Variants in SLC22A23 observed in about 807,000 individuals in gnomAD.
The protein encoded by SLC22A23 is solute carrier family 22 member 23, also known as ion transporter protein.
SLC22A23 carries 26 observed loss-of-function variants against 61.0 expected under a neutral mutation model. That is an observed-to-expected ratio of 0.43 (90% CI 0.31 to 0.59). The LOEUF is 0.59. Ranked by LOEUF, SLC22A23 falls within the 20% of genes least tolerant of loss-of-function variation. The pLI, the probability that SLC22A23 is intolerant of heterozygous loss-of-function variation, is 0.11. For missense variants in SLC22A23, 796 were observed against 934.7 expected (o/e 0.85, Z 1.94); for synonymous variants, 430 against 413.9 (o/e 1.04, Z -0.47).
chr6:3,453,225 A>G (rs1047397275), intron 1 of SLC22A23, among the ~76,000 whole-genome samples: 1 of 152,220 alleles, frequency 6.6e-6, no homozygotes, highest in African/African-American at 2.4e-5. Flanking sequence ...TATTGAAAAC[A>G]CATTTTATTT....
intron 3 of SLC22A23, among the ~76,000 whole-genome samples, chr6:3,365,772 C>A (rs4959818): frequency 0.7 from 106,786 of 151,952 alleles, 37,799 homozygotes; most frequent in East Asian, 0.84. Flanking sequence ...ATTTAAAAAA[C>A]AGTCATCATG....
Position 3,410,062 on chromosome 6 carries a change from A to G in SLC22A23, c.913+126T>C. ...TCTTTCACAACACTTGAGGCCTTTA[A>G]TGTTTGTGTTTCCACAAAACTGCCA... On this transcript the variant is annotated intron_variant, in intron 3 of 9. Transcript: ENST00000406686. The surrounding 1 kb of genome is among the most constrained non-coding windows in gnomAD (Gnocchi z 5.0). The G allele has an allele frequency of 1.8e-6, 2 of 1,083,996 alleles. No homozygotes were observed. The highest frequency in any genetic ancestry group is 2.6e-6 in the Non-Finnish European group (2 of 768,340). 67.1% of individuals were successfully genotyped at this position (1,083,996 alleles called of 1,614,324 possible). A position where few individuals can be genotyped will look rare whatever the true frequency, so the allele number is the denominator to read the frequency against.
In SLC22A23 at chr6:3,327,630, A is replaced by G. The variant is rs901326078; in HGVS notation, c.914-3628T>C. On this transcript the variant is annotated intron_variant, in intron 3 of 9. Transcript: ENST00000406686. This position sits in a 1 kb window ranked among gnomAD's most constrained non-coding sequence, Gnocchi z 4.1. Reference sequence around the variant, plus strand: ...CAGTCAGTTAGGAGTTCTGTGCCTCAGTTTTTTTGTCTGCAAAATGGGGTG... The same window carrying G: ...CAGTCAGTTAGGAGTTCTGTGCCTCGGTTTTTTTGTCTGCAAAATGGGGTG... 3.3e-5 allele frequency among the ~76,000 whole-genome samples: 5 copies of G among 152,294 alleles called. No individual in the cohort carries two copies. Among genetic ancestry groups the G allele is most frequent in the Non-Finnish European group, 5.9e-5 (4 of 68,024 alleles).
intron 3 of SLC22A23, among the ~76,000 whole-genome samples, chr6:3,374,177 A>G (rs1766409208): frequency 1.3e-5 from 2 of 152,208 alleles, no homozygotes; most frequent in Admixed American, 6.5e-5. Context: ...CTTTTGTTAA[A>G]TATCATTTAT....
chr6:3,320,286 G>A lies in SLC22A23; in HGVS notation c.1082+3548C>T, dbSNP rs572154840. Among the ~76,000 whole-genome samples, 4 of 152,204 alleles carry A rather than the reference G, an allele frequency of 2.6e-5. No homozygotes were observed. The South Asian group carries it at 8.3e-4, about 32-fold the overall frequency. Reference sequence around the variant, plus strand: ...CCAGCATTTATATGTGTGTATGGAGGGGTCCCTGTCTGTTCAGTCTACCAT... The same window carrying A: ...CCAGCATTTATATGTGTGTATGGAGAGGTCCCTGTCTGTTCAGTCTACCAT... On this transcript the variant is annotated intron_variant, in intron 4 of 9. Coordinates refer to ENST00000406686, the MANE Select transcript of SLC22A23 (RefSeq NM_015482.2).
chr6:3,362,549 T>C (rs1039619982), intron 3 of SLC22A23, among the ~76,000 whole-genome samples: 3 of 152,022 alleles, frequency 2.0e-5, no homozygotes, highest in Non-Finnish European at 2.9e-5. Context: ...GATCTCTTCA[T>C]GGCCCTGGGC....
At chr6:3,400,225 TAA>T (rs1466981733) in intron 3 of SLC22A23, among the ~76,000 whole-genome samples, 1 of 152,222 alleles carries the variant, frequency 6.6e-6, no homozygotes, top group Admixed American at 6.5e-5. Flanking sequence ...ATGGATGCTA[TAA>T]GAGAGGTAAT....
chr6:3,353,112 T>G (rs1379093087), intron 3 of SLC22A23, among the ~76,000 whole-genome samples: 1 of 152,252 alleles, frequency 6.6e-6, no homozygotes, highest in Admixed American at 6.5e-5. Context: ...CTGTGAGTGC[T>G]CCGCCTAATC....
At position 3,378,298 on chromosome 6, in the gene SLC22A23, T is replaced by C. The variant is rs568924931; in HGVS notation, c.913+31890A>G. 2.6e-5 allele frequency among the ~76,000 whole-genome samples: 4 copies of C among 152,266 alleles called. No homozygotes were observed. The East Asian group carries it at 5.8e-4, about 22-fold the overall frequency. On this transcript the variant is annotated intron_variant, in intron 3 of 9. Coordinates refer to ENST00000406686, the MANE Select transcript of SLC22A23 (RefSeq NM_015482.2). ...AACATGGCCCGAAGTCCATCAGGCA[T>C]GGGTGGTGAGAACCAGGACCGTTCT...
Position 3,456,381 on chromosome 6 carries a change from C to G in SLC22A23, c.179G>C (p.Gly60Ala). The change falls in exon 1 of 10, where the codon GGC becomes GCC. Residue 60 changes from glycine (G) to alanine (A), a missense_variant. Gly to Ala is a moderately conservative substitution (Grantham distance 60). Coordinates refer to ENST00000406686, the MANE Select transcript of SLC22A23 (RefSeq NM_015482.2). This position sits in a 1 kb window ranked among gnomAD's most constrained non-coding sequence, Gnocchi z 7.1. ...IQPLPPLHPG[G>A]GPHPSCCSAA... The stretch of plus-strand genomic sequence containing the variant: ...GGAGCAGCAGCTCGGGTGCGGGCCG[C>G]CTCCAGGATGCAGTGGGGGCAGCGG... The G allele has an allele frequency of 6.5e-7, 1 of 1,537,750 alleles. No individual in the cohort carries two copies. The highest frequency in any genetic ancestry group is 8.8e-7 in the Non-Finnish European group (1 of 1,140,730).
chr6:3,392,876 G>A (rs7763045), intron 3 of SLC22A23, among the ~76,000 whole-genome samples: 4,983 of 152,238 alleles, frequency 0.033, 278 homozygotes, highest in African/African-American at 0.11. Flanking sequence ...CAGCAGGGAG[G>A]TCAGAGTTGG....
At chr6:3,418,915 T>C (rs9405639) in intron 1 of SLC22A23, among the ~76,000 whole-genome samples, 57,503 of 152,034 alleles carry the variant, frequency 0.38, 11,081 homozygotes, top group East Asian at 0.47. Context: ...GCTTCTGGTA[T>C]TGACAAAAAT....
rs1769545709 is a variant in SLC22A23, at chr6:3,414,708, T to C, written c.758+1044A>G. 7.6e-6 allele frequency among the ~76,000 whole-genome samples: 1 copy of C among 132,100 alleles called. No individual in the cohort carries two copies. Among genetic ancestry groups the C allele is most frequent in the African/African-American group, 3.0e-5 (1 of 33,878 alleles). 86.7% of individuals were successfully genotyped at this position (132,100 alleles called of 152,430 possible). The stretch of plus-strand genomic sequence containing the variant: ...GGCCCTTATTTCCTCAAGGCCAAGA[T>C]GTCTCGATTCACCAAAAAAAAAAAA... On this transcript the variant is annotated intron_variant, in intron 2 of 9. Coordinates refer to ENST00000406686, the MANE Select transcript of SLC22A23 (RefSeq NM_015482.2). This position sits in a 1 kb window ranked among gnomAD's most constrained non-coding sequence, Gnocchi z 5.1.
chr6:3,386,828 C>G lies in SLC22A23; in HGVS notation c.913+23360G>C, dbSNP rs951671294. On this transcript the variant is annotated intron_variant, in intron 3 of 9. Coordinates refer to ENST00000406686, the MANE Select transcript of SLC22A23 (RefSeq NM_015482.2). The surrounding 1 kb of genome is among the most constrained non-coding windows in gnomAD (Gnocchi z 4.4). The stretch of plus-strand genomic sequence containing the variant: ...TGATGCTGACACACGGACCTGGCAG[C>G]AACATGGGGAACAAGGACTTGCTTC... Among the ~76,000 whole-genome samples the G allele has an allele frequency of 6.6e-6, 1 of 152,230 alleles. No individual in the cohort carries two copies. The highest frequency in any genetic ancestry group is 2.4e-5 in the African/African-American group (1 of 41,462).
rs113520631 is a variant in SLC22A23, at chr6:3,309,145, G to A, written c.1083-10927C>T. ...TGAAACCCCCATCTCTACTAAAAAC[G>A]CAAAAATTAGCCAAGCATGGTGGCG... On this transcript the variant is annotated intron_variant, in intron 4 of 9. Transcript: ENST00000406686. The surrounding 1 kb of genome is among the most constrained non-coding windows in gnomAD (Gnocchi z 4.7). Among the ~76,000 whole-genome samples, 2,227 of 141,338 alleles carry A rather than the reference G, an allele frequency of 0.016. 50 individuals carry two copies. Among genetic ancestry groups the A allele is most frequent in the African/African-American group, 0.055 (2,114 of 38,216 alleles). The allele number at this position is 141,338 out of a possible 152,430, so 92.7% of individuals were successfully genotyped here.
rs142047755 is a variant in SLC22A23 at position 3,322,305 on chromosome 6, C to T, written c.1082+1529G>A. ...GAGATAAATCAGCACCCTTGAACTC[C>T]GAAACAGCTAAGCCCAGCGAAGGCT... is the stretch of plus-strand genomic sequence containing the variant. On this transcript the variant is annotated intron_variant, in intron 4 of 9. Coordinates refer to ENST00000406686, the MANE Select transcript of SLC22A23 (RefSeq NM_015482.2). This position sits in a 1 kb window ranked among gnomAD's most constrained non-coding sequence, Gnocchi z 4.1. Among the ~76,000 whole-genome samples the T allele has an allele frequency of 4.9e-4, 75 of 152,262 alleles. No individual in the cohort carries two copies. In the East Asian group the frequency reaches 5.2e-3, roughly 11 times the overall value.
At chr6:3,369,533 A>G (rs1364043222) in intron 3 of SLC22A23, among the ~76,000 whole-genome samples, 2 of 152,054 alleles carry the variant, frequency 1.3e-5, no homozygotes, top group African/African-American at 4.8e-5. Flanking sequence ...TCTACTAAAA[A>G]TACAAAAATT....
intron 3 of SLC22A23, among the ~76,000 whole-genome samples, chr6:3,347,933 C>T (rs1244902639): frequency 1.3e-5 from 2 of 152,132 alleles, no homozygotes; most frequent in East Asian, 3.9e-4. Context: ...GGCTGTTGCC[C>T]CAGCCTGGAC....
rs533004580 is a variant in SLC22A23 at position 3,329,089 on chromosome 6, C to G, written c.914-5087G>C. Reference sequence around the variant, plus strand: ...CTGTGCTACTGAGCAGGGCTTGGCCCCAGCTCCAGCGGCTAAGGCATCTGC... The same window carrying G: ...CTGTGCTACTGAGCAGGGCTTGGCCGCAGCTCCAGCGGCTAAGGCATCTGC... On this transcript the variant is annotated intron_variant, in intron 3 of 9. Transcript: ENST00000406686. The surrounding 1 kb of genome is among the most constrained non-coding windows in gnomAD (Gnocchi z 4.8). Among the ~76,000 whole-genome samples the G allele has an allele frequency of 6.6e-6, 1 of 152,298 alleles. No individual in the cohort carries two copies. The highest frequency in any genetic ancestry group is 2.4e-5 in the African/African-American group (1 of 41,554).
Sources: allele counts gnomAD v4.1 joint callset (sites outside exome capture counted in the v4.1 genomes callset), GRCh38; gene constraint gnomAD v4.1.1; non-coding constraint Gnocchi (gnomAD v3.1); transcripts MANE v1.5; gene names NCBI Gene and HGNC (gene_info 2026-07-23, HGNC 2026-07-21).